Variants in SRGAP2 observed in about 807,000 individuals in gnomAD.
SRGAP2 encodes SLIT-ROBO Rho GTPase-activating protein 2.
Under a neutral mutation model 57.2 loss-of-function variants are expected in SRGAP2, and 15 were observed. The observed-to-expected ratio is 0.26, with a 90% CI of 0.18 to 0.40. The LOEUF (loss-of-function observed/expected upper bound fraction) is 0.40. Ranked by LOEUF, SRGAP2 falls within the 10% of genes least tolerant of loss-of-function variation. The pLI is 1.00. For missense variants in SRGAP2, 520 were observed against 669.6 expected (o/e 0.78, Z 2.47); for synonymous variants, 249 against 248.0 (o/e 1.00, Z -0.04).
intron 21 of SRGAP2, 99 bp downstream of exon 21, chr1:206,455,123 G>C: frequency 1.3e-6 from 1 of 768,790 alleles, no homozygotes; most frequent in Non-Finnish European, 2.4e-6. Context: ...GCTGCACGTA[G>C]GGCTCCCAGC....
chr1:206,422,855 A>G (rs1429012547), intron 13 of SRGAP2, among the ~76,000 whole-genome samples: 5 of 152,206 alleles, frequency 3.3e-5, no homozygotes, highest in Admixed American at 3.3e-4. Context: ...CAAAATCCCC[A>G]ATCCAATAAA....
At chr1:206,307,077 G>A (rs1672260523) in intron 3 of SRGAP2, among the ~76,000 whole-genome samples, 3 of 148,596 alleles carry the variant, frequency 2.0e-5, no homozygotes, top group South Asian at 4.3e-4. Context: ...GGTTCTCCAT[G>A]TCCTCACCAG....
chr1:206,240,400 T>C (rs1239422388), intron 2 of SRGAP2, among the ~76,000 whole-genome samples: 1 of 152,150 alleles, frequency 6.6e-6, no homozygotes, highest in African/African-American at 2.4e-5. Flanking sequence ...CATGTCTGTG[T>C]AAATGTGCTG....
chr1:206,450,319 A>G (rs188777687), intron 18 of SRGAP2, 67 bp from the exon 19 acceptor site: 3 of 761,004 alleles, frequency 3.9e-6, no homozygotes, highest in East Asian at 2.5e-5. Context: ...GGGAGGCTGT[A>G]TGAAGGGGAA....
At chr1:206,340,441 G>A (rs1675097194) in intron 3 of SRGAP2, among the ~76,000 whole-genome samples, 2 of 150,284 alleles carry the variant, frequency 1.3e-5, no homozygotes, top group South Asian at 2.1e-4. Flanking sequence ...AGATACAAAT[G>A]TGTGTACATT....
At chr1:206,325,235 A>G (rs1673789404) in intron 3 of SRGAP2, among the ~76,000 whole-genome samples, 1 of 152,100 alleles carries the variant, frequency 6.6e-6, no homozygotes, top group Admixed American at 6.5e-5. Flanking sequence ...TTTATACTAC[A>G]AGCTGGAATA....
chr1:206,372,939 CTTTCTTTCTTTCTTTCT>C lies in SRGAP2; in HGVS notation c.424-11066_424-11050del, dbSNP rs1174883150. Among the ~76,000 whole-genome samples the C allele has an allele frequency of 4.4e-3, 36 of 8,240 alleles. 7 individuals are homozygous for C. In the East Asian group the frequency reaches 0.17, roughly 38 times the overall value. The allele number at this position is 8,240 out of a possible 152,430, so 5.4% of individuals were successfully genotyped here. A position where few individuals can be genotyped will look rare whatever the true frequency, so the allele number is the denominator to read the frequency against. ...TCTTTCTTTCTTTCTTTCTTTCTTT[CTTTCTTTCTTTCTTTCT>C]TTTCTTTCCTTTCTTTCTTTCTTTC... On this transcript the variant is annotated intron_variant, in intron 4 of 22. Coordinates refer to ENST00000573034, the MANE Select transcript of SRGAP2 (RefSeq NM_015326.5).
intron 14 of SRGAP2, among the ~76,000 whole-genome samples, chr1:206,435,910 G>A (rs1057092658): frequency 1.3e-5 from 2 of 151,846 alleles, no homozygotes; most frequent in Non-Finnish European, 1.5e-5. Flanking sequence ...GCACATTATC[G>A]TAGTATAACA....
chr1:206,451,575 G>GA (rs879986961), intron 19 of SRGAP2, among the ~76,000 whole-genome samples: 88 of 138,752 alleles, frequency 6.3e-4, no homozygotes, highest in African/African-American at 5.8e-4. Context: ...TTTCAAAGGA[G>GA]AAAAAAAAAA....
intron 16 of SRGAP2, among the ~76,000 whole-genome samples, chr1:206,439,748 C>T (rs1662100253): frequency 6.6e-6 from 1 of 152,186 alleles, no homozygotes; most frequent in Non-Finnish European, 1.5e-5. Flanking sequence ...AAGAAGTATA[C>T]ACCTTACATC....
intron 2 of SRGAP2, among the ~76,000 whole-genome samples, chr1:206,263,509 C>T (rs1226660894): frequency 6.6e-6 from 1 of 152,134 alleles, no homozygotes; most frequent in African/African-American, 2.4e-5. Context: ...TCTTGAACTA[C>T]AATGATGGAC....
chr1:206,433,305 T>C (rs1024822464), intron 14 of SRGAP2, among the ~76,000 whole-genome samples: 1 of 152,246 alleles, frequency 6.6e-6, no homozygotes, highest in East Asian at 1.9e-4. Flanking sequence ...TAGTGTAGTT[T>C]TGACTTTTAG....
At chr1:206,460,774 A>G (rs1195112076) in intron 22 of SRGAP2, among the ~76,000 whole-genome samples, 2 of 152,080 alleles carry the variant, frequency 1.3e-5, no homozygotes, top group Non-Finnish European at 2.9e-5. Flanking sequence ...GTATTTCAAT[A>G]TCTATCTCTA....
chr1:206,287,741 T>C (rs1211163631), intron 2 of SRGAP2, among the ~76,000 whole-genome samples: 5 of 67,950 alleles, frequency 7.4e-5, no homozygotes, highest in Admixed American at 5.4e-4. Flanking sequence ...GATGAAAAGG[T>C]AGGTGGGTTG....
chr1:206,333,247 G>T, intron 3 of SRGAP2: 4 of 891,850 alleles, frequency 4.5e-6, no homozygotes, highest in Non-Finnish European at 5.5e-6. Context: ...CCCGTCTTCT[G>T]CGTCGCTCAC....
Position 206,436,962 on chromosome 1 carries a change from C to T in SRGAP2, c.1556-3C>T, listed in dbSNP as rs782435913. On this transcript the variant is annotated splice_region_variant and splice_polypyrimidine_tract_variant and intron_variant, in intron 14 of 22. Transcript: ENST00000573034. ...TCTTGATCACTTTTCTGTGTATTTC[C>T]AGGACTACAGCATGAAGGAATTTTC... 2.6e-6 allele frequency: 2 copies of T among 780,508 alleles called. No homozygotes were observed. The highest frequency in any genetic ancestry group is 4.8e-6 in the Non-Finnish European group (2 of 417,844). The allele number at this position is 780,508 out of a possible 1,614,324, so 48.3% of individuals were successfully genotyped here.
At chr1:206,411,093 C>A (rs1553359427) in intron 10 of SRGAP2, among the ~76,000 whole-genome samples, 2 of 152,232 alleles carry the variant, frequency 1.3e-5, no homozygotes, top group African/African-American at 4.8e-5. Flanking sequence ...AACTCCTGAC[C>A]TCGTGATCCG....
At chr1:206,458,057 C>T (rs528574281) in intron 21 of SRGAP2, among the ~76,000 whole-genome samples, 90 of 152,292 alleles carry the variant, frequency 5.9e-4, no homozygotes, top group African/African-American at 1.8e-3. Flanking sequence ...ACTAAGAAAA[C>T]GCACAAACTG....
intron 15 of SRGAP2, 56 bp from the exon 16 acceptor site, chr1:206,437,908 G>A (rs1202076205): frequency 7.7e-6 from 6 of 777,118 alleles, no homozygotes; most frequent in Admixed American, 1.7e-5. Context: ...CGTTCGTCCT[G>A]TGTGTTTTTG....
Sources: allele counts gnomAD v4.1 joint callset (sites outside exome capture counted in the v4.1 genomes callset), GRCh38; gene constraint gnomAD v4.1.1; transcripts MANE v1.5; gene names NCBI Gene and HGNC (gene_info 2026-07-23, HGNC 2026-07-21).